OPCML: variants seen among roughly 807,000 people sequenced by gnomAD.
OPCML encodes opioid-binding protein/cell adhesion molecule.
A neutral mutation model predicts 37.8 loss-of-function variants in OPCML; 13 were observed. That is an observed-to-expected ratio of 0.34 (90% confidence interval 0.22 to 0.55). The LOEUF is 0.55. OPCML is among the 20% of genes least tolerant of loss of function. The pLI is 0.91. For synonymous variants in OPCML, 176 were observed against 168.8 expected (o/e 1.04, Z -0.33); for missense variants, 341 against 435.6 (o/e 0.78, Z 1.93).
chr11:133,164,175 C>T (rs1950179783), intron 1 of OPCML, among the ~76,000 whole-genome samples: 1 of 152,212 alleles, frequency 6.6e-6, no homozygotes. Context: ...GCAGTGCCCT[C>T]GAGTTCCCCT....
intron 3 of OPCML, among the ~76,000 whole-genome samples, chr11:132,577,711 G>A (rs527653939): frequency 2.0e-5 from 3 of 152,150 alleles, no homozygotes; most frequent in Non-Finnish European, 4.4e-5. Flanking sequence ...TGAGTTCTTA[G>A]TAAACACCAC....
intron 2 of OPCML, among the ~76,000 whole-genome samples, chr11:132,668,740 A>G (rs547721404): frequency 2.0e-5 from 3 of 152,308 alleles, no homozygotes; most frequent in African/African-American, 7.2e-5. Context: ...TTGATGTGGT[A>G]TTAATCAGAA....
At chr11:132,651,055 C>A (rs1031798936) in intron 3 of OPCML, among the ~76,000 whole-genome samples, 1 of 152,188 alleles carries the variant, frequency 6.6e-6, no homozygotes, top group Non-Finnish European at 1.5e-5. Flanking sequence ...CTGCTGCAAC[C>A]GCTCCTTGGT....
intron 1 of OPCML, among the ~76,000 whole-genome samples, chr11:133,286,033 G>A (rs569009046): frequency 1.3e-5 from 2 of 152,238 alleles, no homozygotes; most frequent in South Asian, 2.1e-4. Flanking sequence ...GGAGAGGCAG[G>A]CTTCCTTGAA....
intron 1 of OPCML, among the ~76,000 whole-genome samples, chr11:133,158,380 A>G (rs751583099): frequency 6.6e-6 from 1 of 152,174 alleles, no homozygotes; most frequent in Admixed American, 6.5e-5. Flanking sequence ...TACAAATACT[A>G]TATTCCTATC....
intron 1 of OPCML, among the ~76,000 whole-genome samples, chr11:133,152,086 T>C (rs938790207): frequency 1.3e-5 from 2 of 152,204 alleles, no homozygotes; most frequent in Admixed American, 1.3e-4. Flanking sequence ...ATCCCCCATG[T>C]ATTGTTTCTA....
intron 1 of OPCML, among the ~76,000 whole-genome samples, chr11:133,031,129 G>A (rs78851679): frequency 0.1 from 15,777 of 152,118 alleles, 1,283 homozygotes; most frequent in East Asian, 0.3. Flanking sequence ...CATTTAGTGT[G>A]TGCGCAAAAA....
chr11:132,484,844 C>T (rs1395287960), intron 4 of OPCML, among the ~76,000 whole-genome samples: 2 of 152,178 alleles, frequency 1.3e-5, no homozygotes, highest in African/African-American at 4.8e-5. Flanking sequence ...TGCATATTCT[C>T]ACTCATAGGT....
At chr11:133,270,465 T>C (rs185560438) in intron 1 of OPCML, among the ~76,000 whole-genome samples, 85 of 152,206 alleles carry the variant, frequency 5.6e-4, no homozygotes, top group Non-Finnish European at 1.1e-3. Context: ...ATTTCTCTGA[T>C]GCTTGGAGAC....
chr11:132,804,415 G>A (rs1031296914), intron 2 of OPCML, among the ~76,000 whole-genome samples: 1 of 152,198 alleles, frequency 6.6e-6, no homozygotes, highest in Admixed American at 6.5e-5. Flanking sequence ...TGCTCTGGGA[G>A]GCCCCTGCAA....
At chr11:133,055,679 C>T (rs1011210973) in intron 1 of OPCML, among the ~76,000 whole-genome samples, 3 of 150,224 alleles carry the variant, frequency 2.0e-5, no homozygotes, top group Non-Finnish European at 4.4e-5. Context: ...ATGCTGCCTC[C>T]ATGATACTTC....
At chr11:132,831,395 G>A (rs1325525753) in intron 2 of OPCML, among the ~76,000 whole-genome samples, 1 of 152,116 alleles carries the variant, frequency 6.6e-6, no homozygotes, top group Admixed American at 6.5e-5. Context: ...AAGCCCACAG[G>A]TGATGAGGCA....
At chr11:132,845,578 T>C (rs61906891) in intron 2 of OPCML, among the ~76,000 whole-genome samples, 7,357 of 152,274 alleles carry the variant, frequency 0.048, 223 homozygotes, top group Middle Eastern at 0.078. Flanking sequence ...GATCCCAGGA[T>C]GGGAGCCCTT....
intron 2 of OPCML, among the ~76,000 whole-genome samples, chr11:132,753,856 A>G (rs535591149): frequency 6.6e-6 from 1 of 152,200 alleles, no homozygotes; most frequent in Non-Finnish European, 1.5e-5. Flanking sequence ...TTTAGCTCCC[A>G]GGTGTCTTTG....
chr11:133,154,583 T>TA (rs201369940), intron 1 of OPCML, among the ~76,000 whole-genome samples: 215 of 147,326 alleles, frequency 1.5e-3, no homozygotes, highest in African/African-American at 2.9e-3. Context: ...AGAATAGAAG[T>TA]AAAAAAAAAC....
At chr11:132,645,147 T>C (rs534334408) in intron 3 of OPCML, among the ~76,000 whole-genome samples, 1 of 152,314 alleles carries the variant, frequency 6.6e-6, no homozygotes, top group East Asian at 1.9e-4. Context: ...AGTGACTGTG[T>C]TAGAAATTTT....
chr11:133,452,112 G>A (rs1946591316), intron 1 of OPCML, among the ~76,000 whole-genome samples: 1 of 151,586 alleles, frequency 6.6e-6, no homozygotes, highest in South Asian at 2.1e-4. Context: ...AGACTACCAA[G>A]AAACAGGAAA....
chr11:132,921,683 A>T (rs1219192130), intron 2 of OPCML, among the ~76,000 whole-genome samples: 1 of 152,064 alleles, frequency 6.6e-6, no homozygotes, highest in Non-Finnish European at 1.5e-5. Flanking sequence ...TTCTGGAGAA[A>T]TTTTTTTATA....
intron 1 of OPCML, among the ~76,000 whole-genome samples, chr11:133,079,127 C>T (rs1225901632): frequency 6.6e-6 from 1 of 152,136 alleles, no homozygotes; most frequent in Admixed American, 6.5e-5. Context: ...TCTCCGGGCC[C>T]CTGGCTCTCT....
Sources: gnomAD v4.1 joint callset for allele counts (sites outside exome capture counted in the v4.1 genomes callset) on GRCh38, gnomAD v4.1.1 for gene constraint, MANE v1.5 for transcripts, NCBI Gene and HGNC (gene_info 2026-07-23, HGNC 2026-07-21) for gene names.